Variants in AOPEP observed in about 807,000 individuals in gnomAD.
AOPEP encodes aminopeptidase O (putative), also known as aminopeptidase O.
Under a neutral mutation model 98.1 loss-of-function variants are expected in AOPEP, and 77 were observed. That is an observed-to-expected ratio of 0.78 (90% confidence interval 0.65 to 0.95). AOPEP has a LOEUF of 0.95. Among genes scored for constraint, AOPEP ranks in the 40% least tolerant of loss-of-function variants. The pLI is 0.00. For synonymous variants in AOPEP, 346 were observed against 365.3 expected (o/e 0.95, Z 0.60); for missense variants, 1,024 against 1,024.7 (o/e 1.00, Z 0.01).
chr9:94,821,582 G>A (rs559616093), intron 5 of AOPEP, among the ~76,000 whole-genome samples: 4 of 152,304 alleles, frequency 2.6e-5, no homozygotes, highest in Non-Finnish European at 4.4e-5. Context: ...GAATTTCCAG[G>A]CTCCTCAAGG....
At chr9:94,871,415 T>C (rs1406190325) in intron 5 of AOPEP, among the ~76,000 whole-genome samples, 1 of 152,252 alleles carries the variant, frequency 6.6e-6, no homozygotes, top group African/African-American at 2.4e-5. Flanking sequence ...ATTTTAATCT[T>C]CTTGGCCACA....
intron 8 of AOPEP, 45 bp from the exon 9 acceptor site, chr9:94,955,863 A>T: frequency 7.5e-7 from 1 of 1,339,472 alleles, no homozygotes. Flanking sequence ...TTTTTTATGA[A>T]CTCATGGTAG....
At position 94,997,060 on chromosome 9, in the gene AOPEP, G is replaced by A. The variant is rs140210509; in HGVS notation, c.1978-8098G>A. Among the ~76,000 whole-genome samples the A allele has an allele frequency of 1.3e-3, 198 of 152,246 alleles. 2 individuals carry two copies. Among genetic ancestry groups the A allele is most frequent in the Non-Finnish European group, 4.4e-4 (30 of 68,020 alleles). ...ATACCACCTTCATGTTTACAGTATTGCAGGTCAGCACTAAGATTGGGTTCC... is the reference window on the plus strand; with the variant it reads ...ATACCACCTTCATGTTTACAGTATTACAGGTCAGCACTAAGATTGGGTTCC... On this transcript the variant is annotated intron_variant, in intron 11 of 16. Coordinates refer to ENST00000375315, the MANE Select transcript of AOPEP (RefSeq NM_001193329.3).
chr9:94,995,355 C>T (rs1404474234), intron 11 of AOPEP, among the ~76,000 whole-genome samples: 2 of 152,046 alleles, frequency 1.3e-5, no homozygotes, highest in Non-Finnish European at 2.9e-5. Flanking sequence ...CCATGTGCAC[C>T]ATCTCATTTT....
chr9:95,077,694 C>T (rs2069228142), intron 14 of AOPEP, among the ~76,000 whole-genome samples: 2 of 152,120 alleles, frequency 1.3e-5, no homozygotes. Context: ...GAGGGCAGAG[C>T]ATCTTTCACG....
At chr9:95,013,900 A>G (rs549681925) in intron 13 of AOPEP, among the ~76,000 whole-genome samples, 6 of 152,254 alleles carry the variant, frequency 3.9e-5, no homozygotes, top group African/African-American at 1.4e-4. Context: ...GATTTTTTCT[A>G]TACATTCCAA....
rs2043872346 is a variant in AOPEP, at chr9:94,853,928, C to T, written c.1364+52926C>T. ...CTTTTACTTCACACTTGGGCAGAAC[C>T]AGTGATGGGCAGATTATCAATCACC... On this transcript the variant is annotated intron_variant, in intron 5 of 16. Transcript: ENST00000375315. Among the ~76,000 whole-genome samples, 5 of 152,298 alleles carry T rather than the reference C, an allele frequency of 3.3e-5. No individual in the cohort carries two copies. In the South Asian group the frequency reaches 1.0e-3, roughly 32 times the overall value.
At chr9:94,775,804 C>G (rs911108821) in intron 3 of AOPEP, among the ~76,000 whole-genome samples, 3 of 152,030 alleles carry the variant, frequency 2.0e-5, no homozygotes, top group Admixed American at 6.6e-5. Context: ...GAAACCCCAT[C>G]TCTACTAAAA....
At chr9:95,114,826 C>T in the AOPEP span, 180 of 849,518 alleles carry the variant, frequency 2.1e-4, no homozygotes, top group Non-Finnish European at 2.7e-4. Context: ...TTCTGGTTCA[C>T]GGAACCCAAT....
Position 95,005,480 on chromosome 9 carries a change from C to CT in AOPEP, c.2041-61dup, listed in dbSNP as rs955648253. ...GGCCGGGGGTCTCTGCTTTCTCGCG[C>CT]TGGGGGATGGCCGTCAGGACCCTGT... On this transcript the variant is annotated intron_variant, in intron 12 of 16. Transcript: ENST00000375315. 10 of 1,481,508 alleles carry CT rather than the reference C, an allele frequency of 6.7e-6. No homozygotes were observed. In the African/African-American group the frequency reaches 1.2e-4, roughly 18 times the overall value. The allele number at this position is 1,481,508 out of a possible 1,614,324, so 91.8% of individuals were successfully genotyped here. A position where few individuals can be genotyped will look rare whatever the true frequency, so the allele number is the denominator to read the frequency against.
intron 5 of AOPEP, among the ~76,000 whole-genome samples, chr9:94,807,789 T>C (rs753474653): frequency 3.3e-5 from 5 of 152,214 alleles, no homozygotes; most frequent in Non-Finnish European, 7.3e-5. Flanking sequence ...TGTATGCATG[T>C]GGTCATGGAG....
rs571227985 is a variant in AOPEP, at chr9:94,849,387, A to C, written c.1364+48385A>C. On this transcript the variant is annotated intron_variant, in intron 5 of 16. Transcript: ENST00000375315. ...GAAGGCTCAATAAATATTCATAGTA[A>C]ATTGTAATTACTGTTATCTTAATAT... Among the ~76,000 whole-genome samples the C allele has an allele frequency of 2.0e-4, 31 of 152,288 alleles. No individual in the cohort carries two copies. In the South Asian group the frequency reaches 6.2e-3, roughly 31 times the overall value.
At chr9:94,761,818 A>G (rs1042641404) in intron 2 of AOPEP, among the ~76,000 whole-genome samples, 1 of 152,242 alleles carries the variant, frequency 6.6e-6, no homozygotes, top group African/African-American at 2.4e-5. Context: ...ATACCTTATT[A>G]GATAGTTTTT....
At chr9:94,788,915 G>A (rs558076041) in intron 3 of AOPEP, among the ~76,000 whole-genome samples, 1 of 152,336 alleles carries the variant, frequency 6.6e-6, no homozygotes, top group East Asian at 1.9e-4. Flanking sequence ...GATATGTGTG[G>A]GATGGGCAAA....
At chr9:95,058,186 G>A (rs1307213233) in intron 13 of AOPEP, among the ~76,000 whole-genome samples, 1 of 152,198 alleles carries the variant, frequency 6.6e-6, no homozygotes, top group African/African-American at 2.4e-5. Flanking sequence ...GTAATTGTTT[G>A]ATTTTAAACT....
intron 14 of AOPEP, among the ~76,000 whole-genome samples, chr9:95,064,416 C>T (rs10993467): frequency 0.78 from 119,319 of 152,166 alleles, 48,271 homozygotes; most frequent in Non-Finnish European, 0.89. Context: ...CTCAGCCTCC[C>T]GAGTAGCTGG....
chr9:94,844,067 G>T (rs907128924), intron 5 of AOPEP, among the ~76,000 whole-genome samples: 1 of 151,980 alleles, frequency 6.6e-6, no homozygotes, highest in Non-Finnish European at 1.5e-5. Context: ...GTTTTGTTCT[G>T]TTTTTTTGAG....
At chr9:95,065,187 C>T (rs548806671) in intron 14 of AOPEP, among the ~76,000 whole-genome samples, 6 of 152,306 alleles carry the variant, frequency 3.9e-5, no homozygotes, top group East Asian at 1.9e-4. Context: ...TCAGGATGCT[C>T]GATGCTTTAG....
intron 3 of AOPEP, among the ~76,000 whole-genome samples, chr9:94,775,600 C>G (rs1588149221): frequency 6.6e-6 from 1 of 151,998 alleles, no homozygotes; most frequent in East Asian, 2.0e-4. Flanking sequence ...CTCTTGACCT[C>G]GTGATCTGCC....
Sources: allele counts gnomAD v4.1 joint callset (sites outside exome capture counted in the v4.1 genomes callset), GRCh38; gene constraint gnomAD v4.1.1; transcripts MANE v1.5; gene names NCBI Gene and HGNC (gene_info 2026-07-23, HGNC 2026-07-21).